Variants in AUTS2 observed in about 807,000 individuals in gnomAD.
The protein encoded by AUTS2 is autism susceptibility gene 2 protein.
In AUTS2, 17 loss-of-function variants were observed where a neutral mutation model predicts 112.4. That is an observed-to-expected ratio of 0.15 (90% CI 0.10 to 0.23). The LOEUF (loss-of-function observed/expected upper bound fraction) is 0.23, where lower values mean the gene tolerates loss of function less well. Among genes scored for constraint, AUTS2 ranks in the 10% least tolerant of loss-of-function variants. The probability of loss-of-function intolerance (pLI) is 1.00; values close to 1 mark genes in which losing one functional copy is unlikely to be tolerated. For synonymous variants in AUTS2, 751 were observed against 702.7 expected (o/e 1.07, Z -1.09); for missense variants, 1,510 against 1,701.6 (o/e 0.89, Z 1.98).
chr7:69,858,197 G>A (rs772959501), intron 1 of AUTS2, among the ~76,000 whole-genome samples: 8 of 152,192 alleles, frequency 5.3e-5, no homozygotes, highest in Non-Finnish European at 7.3e-5. Flanking sequence ...CACGTCCTTC[G>A]TGTGGTAGGT....
chr7:70,745,273 C>T (rs1788382907), intron 6 of AUTS2, among the ~76,000 whole-genome samples: 1 of 152,076 alleles, frequency 6.6e-6, no homozygotes, highest in African/African-American at 2.4e-5. Context: ...ATTCACTGCT[C>T]CTCAGTGTTT....
At chr7:70,789,248 C>A (rs537740434) in intron 18 of AUTS2, among the ~76,000 whole-genome samples, 25 of 152,182 alleles carry the variant, frequency 1.6e-4, no homozygotes, top group Non-Finnish European at 1.0e-4. Context: ...TTGTAAGGAG[C>A]AAGAGACTTC....
At chr7:69,962,062 A>G (rs1468637733) in intron 2 of AUTS2, among the ~76,000 whole-genome samples, 1 of 152,110 alleles carries the variant, frequency 6.6e-6, no homozygotes, top group Non-Finnish European at 1.5e-5. Context: ...AGGGAGGAAT[A>G]TTATCCAGGA....
intron 2 of AUTS2, among the ~76,000 whole-genome samples, chr7:69,901,294 C>T (rs527792434): frequency 5.4e-4 from 82 of 152,026 alleles, no homozygotes; most frequent in African/African-American, 1.8e-3. Context: ...CTCAGGCCCC[C>T]GCCCCAGCAG....
At chr7:69,673,151 A>AT (rs972114122) in intron 1 of AUTS2, among the ~76,000 whole-genome samples, 1 of 152,018 alleles carries the variant, frequency 6.6e-6, no homozygotes, top group African/African-American at 2.4e-5. Context: ...ACTTAAAAAA[A>AT]TTTTTTTTGG....
intron 1 of AUTS2, among the ~76,000 whole-genome samples, chr7:69,897,185 C>A (rs1381007300): frequency 1.3e-5 from 2 of 152,292 alleles, no homozygotes; most frequent in Admixed American, 1.3e-4. Context: ...CCTGAGTGGG[C>A]AACACTGCTA....
chr7:70,401,375 T>C (rs765412904), intron 4 of AUTS2, among the ~76,000 whole-genome samples: 1 of 152,204 alleles, frequency 6.6e-6, no homozygotes, highest in African/African-American at 2.4e-5. Flanking sequence ...GTGACACTTC[T>C]GTTGCAAGCC....
intron 2 of AUTS2, among the ~76,000 whole-genome samples, chr7:69,962,849 C>G (rs973726947): frequency 6.6e-6 from 1 of 152,008 alleles, no homozygotes; most frequent in African/African-American, 2.4e-5. Context: ...GGAAGACGTA[C>G]GGTTTTTGAC....
At chr7:70,714,990 C>G (rs1188654793) in intron 6 of AUTS2, among the ~76,000 whole-genome samples, 1 of 152,178 alleles carries the variant, frequency 6.6e-6, no homozygotes, top group Non-Finnish European at 1.5e-5. Context: ...ATGATGCTTG[C>G]CTGATGCAGT....
chr7:70,321,243 A>G (rs1790239776), intron 4 of AUTS2, among the ~76,000 whole-genome samples: 1 of 152,212 alleles, frequency 6.6e-6, no homozygotes, highest in African/African-American at 2.4e-5. Context: ...TTTGACTGTA[A>G]CACGTTTACT....
intron 5 of AUTS2, among the ~76,000 whole-genome samples, chr7:70,498,559 T>A (rs1480233569): frequency 6.6e-6 from 1 of 151,926 alleles, no homozygotes; most frequent in African/African-American, 2.4e-5. Flanking sequence ...AAGCAGAGGG[T>A]GTAGGAAGGG....
intron 2 of AUTS2, among the ~76,000 whole-genome samples, chr7:69,918,853 C>T (rs1795696066): frequency 6.6e-6 from 1 of 152,212 alleles, no homozygotes; most frequent in Non-Finnish European, 1.5e-5. Context: ...GCAGCTTCCA[C>T]ATTCCTTTTT....
intron 5 of AUTS2, among the ~76,000 whole-genome samples, chr7:70,680,036 C>A (rs1324986934): frequency 6.6e-6 from 1 of 152,160 alleles, no homozygotes; most frequent in African/African-American, 2.4e-5. Context: ...ATTTTACTCA[C>A]CACTTAGAAG....
chr7:69,626,803 A>C (rs1042380857), intron 1 of AUTS2, among the ~76,000 whole-genome samples: 11 of 152,210 alleles, frequency 7.2e-5, no homozygotes, highest in African/African-American at 2.2e-4. Context: ...ATCTTAAAAA[A>C]ATTCTGCTTA....
At chr7:69,943,037 CAT>C (rs1436687626) in intron 2 of AUTS2, among the ~76,000 whole-genome samples, 1 of 152,208 alleles carries the variant, frequency 6.6e-6, no homozygotes, top group Non-Finnish European at 1.5e-5. Context: ...TTCACCCACA[CAT>C]GTGTATACAT....
chr7:70,170,789 G>A (rs924308827), intron 4 of AUTS2, among the ~76,000 whole-genome samples: 1 of 151,928 alleles, frequency 6.6e-6, no homozygotes. Context: ...TGTATTTTTA[G>A]TAGAGACAGG....
At chr7:70,488,922 C>T (rs1473777178) in intron 5 of AUTS2, among the ~76,000 whole-genome samples, 2 of 152,180 alleles carry the variant, frequency 1.3e-5, no homozygotes, top group Non-Finnish European at 2.9e-5. Flanking sequence ...CCATCACATT[C>T]CCTAGTACAC....
intron 1 of AUTS2, among the ~76,000 whole-genome samples, chr7:69,865,089 T>G (rs1357578343): frequency 6.6e-6 from 1 of 151,882 alleles, no homozygotes; most frequent in Non-Finnish European, 1.5e-5. Context: ...GTGTTGGATA[T>G]TATAGGATGG....
At chr7:70,617,587 A>T (rs1312346665) in intron 5 of AUTS2, among the ~76,000 whole-genome samples, 2 of 151,966 alleles carry the variant, frequency 1.3e-5, no homozygotes, top group East Asian at 3.9e-4. Flanking sequence ...GGCATGAACC[A>T]GGGAGGCAGA....
Sources: allele counts gnomAD v4.1 joint callset (sites outside exome capture counted in the v4.1 genomes callset), GRCh38; gene constraint gnomAD v4.1.1; transcripts MANE v1.5; gene names NCBI Gene and HGNC (gene_info 2026-07-23, HGNC 2026-07-21).